Variants in TNRC18 observed in about 807,000 individuals in gnomAD.
TNRC18 encodes the protein trinucleotide repeat-containing gene 18 protein.
TNRC18 carries 69 observed loss-of-function variants against 226.7 expected under a neutral mutation model. That is an observed-to-expected ratio of 0.30 (90% CI 0.25 to 0.37). The LOEUF is 0.37. TNRC18 is among the 10% of genes least tolerant of loss of function. TNRC18 has a pLI of 1.00. For missense variants in TNRC18, 4,754 were observed against 4,256.6 expected (o/e 1.12, Z -3.25); for synonymous variants, 2,449 against 1,927.6 (o/e 1.27, Z -7.09).
rs1467299992 is a variant in TNRC18, at chr7:5,308,100, G to A, written c.*6C>T. On this transcript the variant is annotated 3_prime_UTR_variant, in exon 30 of 30. Coordinates refer to ENST00000430969, the MANE Select transcript of TNRC18 (RefSeq NM_001080495.3). The stretch of plus-strand genomic sequence containing the variant: ...GGGCACAGGTGGCCCGCAGGGCCCG[G>A]CGGGCTCAGCAGAGCACGGGCACGC... 4 of 1,546,868 alleles carry A rather than the reference G, an allele frequency of 2.6e-6. No homozygotes were observed. The East Asian group carries it at 7.3e-5, about 28-fold the overall frequency.
At chr7:5,369,047 C>T (rs1353554142) in intron 11 of TNRC18, among the ~76,000 whole-genome samples, 3 of 152,080 alleles carry the variant, frequency 2.0e-5, no homozygotes, top group Non-Finnish European at 2.9e-5. Flanking sequence ...GTTTGATGCC[C>T]GCAAAAAGCA....
In TNRC18 at chr7:5,387,721, C is replaced by A. The variant is rs755885366; in HGVS notation, c.2103G>T (p.Gly701=). 1.2e-6 allele frequency: 2 copies of A among 1,606,162 alleles called. No homozygotes were observed. Among genetic ancestry groups the A allele is most frequent in the East Asian group, 4.5e-5 (2 of 44,872 alleles). Residue 701 remains glycine (G), a synonymous_variant, in exon 5 of 30, where the codon GGG becomes GGT. Transcript: ENST00000430969. ...AGCGCTCCTGGTCTACCAGCCCAGGCCCCAGCCGGCCACTGCCGCCACTGT... is the reference window on the plus strand; with the variant it reads ...AGCGCTCCTGGTCTACCAGCCCAGGACCCAGCCGGCCACTGCCGCCACTGT... ...QKDSGGSGRL[G]PGLVDQERSL... is the part of the protein sequence containing the mutation.
At position 5,361,935 on chromosome 7, in the gene TNRC18, C is replaced by T; in HGVS notation, c.4494G>A (p.Gln1498=). 1 of 1,606,058 alleles carries T rather than the reference C, an allele frequency of 6.2e-7. No individual in the cohort carries two copies. The highest frequency in any genetic ancestry group is 8.5e-7 in the Non-Finnish European group (1 of 1,177,176). ...GGCGCTGCAGCTTCACCAGCTCACG[C>T]TGCTTCTCCTTGTACTGGCGCTGCA... ...AEVQRQYKEK[Q]RELVKLQRRR... is the part of the protein sequence containing the mutation. Residue 1498 remains glutamine, a synonymous_variant, in exon 13 of 30, where the codon CAG becomes CAA. Transcript: ENST00000430969.
At chr7:5,382,893 G>A (rs1164683583) in intron 5 of TNRC18, among the ~76,000 whole-genome samples, 3 of 152,034 alleles carry the variant, frequency 2.0e-5, no homozygotes, top group Non-Finnish European at 2.9e-5. Context: ...CAACGGCAAC[G>A]ATTGCTTTCT....
Position 5,313,481 on chromosome 7 carries a change from C to G in TNRC18, c.7410G>C (p.Thr2470=). Residue 2470 remains threonine, a synonymous_variant, in exon 27 of 30, where the codon ACG becomes ACC. Coordinates refer to ENST00000430969, the MANE Select transcript of TNRC18 (RefSeq NM_001080495.3). ...LLVKLDHEGV[T]SPKSKKAKEA... is the part of the protein sequence containing the mutation. ...CTTTAGCCTTCTTGCTTTTGGGTGACGTGACACCCTCGTGGTCCAGTTTGA... is the reference window on the plus strand; with the variant it reads ...CTTTAGCCTTCTTGCTTTTGGGTGAGGTGACACCCTCGTGGTCCAGTTTGA... 6.2e-7 allele frequency: 1 copy of G among 1,613,272 alleles called. No individual in the cohort carries two copies. The highest frequency in any genetic ancestry group is 1.3e-5 in the African/African-American group (1 of 75,042).
intron 27 of TNRC18, among the ~76,000 whole-genome samples, chr7:5,311,799 C>T (rs192202504): frequency 2.7e-4 from 40 of 149,176 alleles, no homozygotes; most frequent in Admixed American, 1.4e-3. Flanking sequence ...GCCTGGGTGA[C>T]GGAGCAAGAT....
intron 2 of TNRC18, among the ~76,000 whole-genome samples, chr7:5,397,075 G>A (rs923346865): frequency 1.3e-5 from 2 of 152,006 alleles, no homozygotes; most frequent in Non-Finnish European, 2.9e-5. Context: ...CCACCACCCC[G>A]TGTCCGGCCC....
chr7:5,354,409 A>G (rs1199312398), intron 16 of TNRC18, among the ~76,000 whole-genome samples: 1 of 151,734 alleles, frequency 6.6e-6, no homozygotes, highest in Non-Finnish European at 1.5e-5. Flanking sequence ...ACAGACCCCA[A>G]TCCCTCAGAA....
At position 5,363,553 on chromosome 7, in the gene TNRC18, G is replaced by A. The variant is rs913018288; in HGVS notation, c.4220-728C>T. ...TGGGAGGCGGAGCTTGCAGTAAGCC[G>A]AGATGGCGCCACTGCACTCCAGCCT... On this transcript the variant is annotated intron_variant, in intron 11 of 29. Coordinates refer to ENST00000430969, the MANE Select transcript of TNRC18 (RefSeq NM_001080495.3). Among the ~76,000 whole-genome samples the A allele has an allele frequency of 4.6e-5, 7 of 152,196 alleles. No homozygotes were observed. The South Asian group carries it at 6.2e-4, about 14-fold the overall frequency.
chr7:5,410,099 C>T (rs1584109203), intron 2 of TNRC18, among the ~76,000 whole-genome samples: 1 of 151,170 alleles, frequency 6.6e-6, no homozygotes, highest in Non-Finnish European at 1.5e-5. Flanking sequence ...TCACTTGAGG[C>T]TAGGAGTTTG....
chr7:5,411,493 G>C (rs1781840623), intron 2 of TNRC18, among the ~76,000 whole-genome samples: 1 of 147,358 alleles, frequency 6.8e-6, no homozygotes, highest in African/African-American at 2.5e-5. Flanking sequence ...ACTCCAGCCT[G>C]GGTGACAGAG....
chr7:5,311,556 G>A (rs1025704302), intron 27 of TNRC18, among the ~76,000 whole-genome samples: 5 of 152,198 alleles, frequency 3.3e-5, no homozygotes, highest in African/African-American at 9.6e-5. Flanking sequence ...CCCCGCACCT[G>A]GAATTCCAGC....
rs114485562 is a variant in TNRC18 at position 5,316,020 on chromosome 7, G to A, written c.6798C>T (p.Asp2266=). 620 of 1,605,174 alleles carry A rather than the reference G, an allele frequency of 3.9e-4. 1 individual carries two copies. The African/African-American group carries it at 5.4e-3, about 14-fold the overall frequency. The part of the protein sequence containing the change: ...DGDLITVEFD[D]GDTGRIPLSH... ...AGAGGGGGATCCTGCCCGTGTCTCC[G>A]TCGTCAAACTCCACGGTGATCAAGT... Residue 2266 remains aspartate, a synonymous_variant, in exon 25 of 30, where the codon GAC becomes GAT. Coordinates refer to ENST00000430969, the MANE Select transcript of TNRC18 (RefSeq NM_001080495.3).
chr7:5,390,096 G>A (rs1780176214), intron 4 of TNRC18: 2 of 363,404 alleles, frequency 5.5e-6, no homozygotes, highest in Non-Finnish European at 9.7e-6. Flanking sequence ...GGCCACAATG[G>A]CTCACATCTG....
At position 5,387,729 on chromosome 7, in the gene TNRC18, G is replaced by A. The variant is rs1442401270; in HGVS notation, c.2095C>T (p.Arg699Trp). 35 of 1,606,092 alleles carry A rather than the reference G, an allele frequency of 2.2e-5. No individual in the cohort carries two copies. The highest frequency in any genetic ancestry group is 3.3e-5 in the Admixed American group (2 of 60,004). The change falls in exon 5 of 30, where the codon CGG (arginine) becomes TGG (tryptophan). Residue 699 changes from arginine (R) to tryptophan (W), a missense_variant. Transcript: ENST00000430969. ...ARQKDSGGSG[R>W]LGPGLVDQER... ...TGGTCTACCAGCCCAGGCCCCAGCCGGCCACTGCCGCCACTGTCCTTCTGC... is the reference window on the plus strand; with the variant it reads ...TGGTCTACCAGCCCAGGCCCCAGCCAGCCACTGCCGCCACTGTCCTTCTGC...
In TNRC18 at chr7:5,421,253, C is replaced by G; in HGVS notation, c.-7G>C. ...CGAAGTCTCGGCCATCCATCCTCCG[C>G]GGGAGTGCCGCGATCAGCCCCCCAC... On this transcript the variant is annotated 5_prime_UTR_variant, in exon 2 of 30. Coordinates refer to ENST00000430969, the MANE Select transcript of TNRC18 (RefSeq NM_001080495.3). 7.8e-7 allele frequency: 1 copy of G among 1,289,340 alleles called. No homozygotes were observed. The highest frequency in any genetic ancestry group is 9.8e-7 in the Non-Finnish European group (1 of 1,015,358). 79.9% of individuals were successfully genotyped at this position (1,289,340 alleles called of 1,614,324 possible).
At chr7:5,389,782 C>CGGT (rs1218923689) in intron 4 of TNRC18, 1 of 152,794 alleles carries the variant, frequency 6.5e-6, no homozygotes, top group Non-Finnish European at 1.5e-5. Context: ...TAAACGGTTT[C>CGGT]GGTGCAGGGA....
rs1344537165 is a variant in TNRC18, at chr7:5,324,757, C to T, written c.6300+339G>A. Among the ~76,000 whole-genome samples the T allele has an allele frequency of 6.6e-6, 1 of 152,126 alleles. No homozygotes were observed. The highest frequency in any genetic ancestry group is 1.5e-5 in the Non-Finnish European group (1 of 68,022). On this transcript the variant is annotated intron_variant, in intron 20 of 29. Transcript: ENST00000430969. The surrounding 1 kb of genome is among the most constrained non-coding windows in gnomAD (Gnocchi z 4.8). ...GGGGCTAGCAGGTGTGGGGAGTGGA[C>T]ATGCCATCATCTGCCACTCGGGCAG...
chr7:5,329,120 T>C (rs1438038742), intron 19 of TNRC18, among the ~76,000 whole-genome samples: 2 of 151,636 alleles, frequency 1.3e-5, no homozygotes, highest in African/African-American at 4.8e-5. Context: ...CTGGCCAACA[T>C]GGCGAAACCT....
Sources: allele counts gnomAD v4.1 joint callset (sites outside exome capture counted in the v4.1 genomes callset), GRCh38; gene constraint gnomAD v4.1.1; non-coding constraint Gnocchi (gnomAD v3.1); transcripts MANE v1.5; gene names NCBI Gene and HGNC (gene_info 2026-07-23, HGNC 2026-07-21).